Variants in ADCY2 observed in about 807,000 individuals in gnomAD.
ADCY2 encodes adenylate cyclase type 2.
ADCY2 carries 31 observed loss-of-function variants against 125.2 expected under a neutral mutation model. The ratio of observed to expected loss-of-function variants is 0.25; its 90% CI spans 0.19 to 0.33. ADCY2 has a LOEUF of 0.33. Among genes scored for constraint, ADCY2 ranks in the 10% least tolerant of loss-of-function variants. The pLI is 1.00. For missense variants in ADCY2, 904 were observed against 1,418.2 expected (o/e 0.64, Z 5.82); for synonymous variants, 512 against 548.4 (o/e 0.93, Z 0.93).
intron 2 of ADCY2, among the ~76,000 whole-genome samples, chr5:7,454,586 A>G (rs1486706694): frequency 6.6e-6 from 1 of 152,226 alleles, no homozygotes; most frequent in Non-Finnish European, 1.5e-5. Flanking sequence ...AGATTTTTAT[A>G]GAAGTATTTA....
chr5:7,651,186 CA>C (rs1391517412), intron 4 of ADCY2, among the ~76,000 whole-genome samples: 1 of 152,214 alleles, frequency 6.6e-6, no homozygotes, highest in African/African-American at 2.4e-5. Context: ...GGAAACAATA[CA>C]AAAAAGTGCA....
At chr5:7,491,296 G>A (rs1743156558) in intron 2 of ADCY2, among the ~76,000 whole-genome samples, 1 of 151,416 alleles carries the variant, frequency 6.6e-6, no homozygotes, top group South Asian at 2.1e-4. Flanking sequence ...CTGTTGCCCA[G>A]GCTGGAGTGC....
At chr5:7,447,914 G>C (rs1741331077) in intron 2 of ADCY2, among the ~76,000 whole-genome samples, 1 of 152,214 alleles carries the variant, frequency 6.6e-6, no homozygotes, top group African/African-American at 2.4e-5. Context: ...GGCTGCAGAA[G>C]CTTTTCCTGA....
intron 2 of ADCY2, among the ~76,000 whole-genome samples, chr5:7,453,724 T>G (rs904324301): frequency 6.6e-6 from 1 of 152,166 alleles, no homozygotes; most frequent in African/African-American, 2.4e-5. Flanking sequence ...GGGTCTTGTG[T>G]CCCTTCTCCC....
At chr5:7,804,107 A>AG (rs1173448237) in intron 21 of ADCY2, among the ~76,000 whole-genome samples, 1 of 136,522 alleles carries the variant, frequency 7.3e-6, no homozygotes, top group Non-Finnish European at 1.6e-5. Flanking sequence ...ATATTAGGCT[A>AG]GGGCTGATGA....
rs562044989 is a variant in ADCY2 at position 7,810,810 on chromosome 5, C to G, written c.2884-6056C>G. Among the ~76,000 whole-genome samples the G allele has an allele frequency of 6.6e-5, 10 of 152,296 alleles. No homozygotes were observed. The East Asian group carries it at 1.7e-3, about 27-fold the overall frequency. ...CACACCACTCCCTATTGCCTCATTC[C>G]TTCTGCTGCACTCCAGAGCCTCACC... On this transcript the variant is annotated intron_variant, in intron 22 of 24. Transcript: ENST00000338316.
chr5:7,744,553 A>G (rs974704868), intron 15 of ADCY2, among the ~76,000 whole-genome samples: 20 of 152,248 alleles, frequency 1.3e-4, no homozygotes, highest in African/African-American at 4.6e-4. Flanking sequence ...CCTAAAATTG[A>G]AAGTCTAAAG....
rs150404019 is a variant in ADCY2, at chr5:7,422,431, G to A, written c.408+7661G>A. ...CCTCCTCTGAGATGGTTTTTTTTCAGGCAGGTTGGATTGCCTGGAATGTCT... is the reference window on the plus strand; with the variant it reads ...CCTCCTCTGAGATGGTTTTTTTTCAAGCAGGTTGGATTGCCTGGAATGTCT... On this transcript the variant is annotated intron_variant, in intron 2 of 24. Coordinates refer to ENST00000338316, the MANE Select transcript of ADCY2 (RefSeq NM_020546.3). Among the ~76,000 whole-genome samples, 39 of 151,812 alleles carry A rather than the reference G, an allele frequency of 2.6e-4. No homozygotes were observed. In the East Asian group the frequency reaches 7.4e-3, roughly 29 times the overall value.
intron 4 of ADCY2, among the ~76,000 whole-genome samples, chr5:7,674,425 C>T (rs28469211): frequency 0.31 from 46,779 of 151,998 alleles, 7,867 homozygotes; most frequent in Non-Finnish European, 0.38. Context: ...TTTGGTTACG[C>T]GCCATTTCGA....
In ADCY2 at chr5:7,743,720, A is replaced by G. The variant is rs1013454317; in HGVS notation, c.1924A>G (p.Ile642Val). 7 of 1,614,000 alleles carry G rather than the reference A, an allele frequency of 4.3e-6. No homozygotes were observed. Among genetic ancestry groups the G allele is most frequent in the South Asian group, 1.1e-5 (1 of 91,086 alleles). The change falls in exon 15 of 25, where the codon ATC becomes GTC. Residue 642 changes from isoleucine (I) to valine (V), a missense_variant. Physicochemically the swap from Ile to Val is conservative, Grantham distance 29 (BLOSUM62 3). This residue lies in a region of ADCY2 where 221 missense variants were observed against 246.2 expected (regional missense o/e 0.90). Coordinates refer to ENST00000338316, the MANE Select transcript of ADCY2 (RefSeq NM_020546.3). Reference protein sequence around the residue: ...FGAAFLLLAFILFVCFAGQLL... With the variant: ...FGAAFLLLAFVLFVCFAGQLL... ...GGCTGCGTTTCTCTTGCTGGCCTTC[A>G]TCCTCTTCGTCTGCTTTGCTGGACA...
At chr5:7,596,349 T>C (rs905713103) in intron 3 of ADCY2, among the ~76,000 whole-genome samples, 1 of 152,018 alleles carries the variant, frequency 6.6e-6, no homozygotes, top group Admixed American at 6.6e-5. Flanking sequence ...CACGAATAAG[T>C]ATCTCCACCG....
intron 10 of ADCY2, among the ~76,000 whole-genome samples, chr5:7,712,615 C>T (rs1055177226): frequency 3.3e-5 from 5 of 152,196 alleles, no homozygotes; most frequent in African/African-American, 4.8e-5. Context: ...CTCCAGACAA[C>T]AATCCTCATG....
In ADCY2 at chr5:7,490,641, G is replaced by A. The variant is rs969115343; in HGVS notation, c.409-30097G>A. Among the ~76,000 whole-genome samples the A allele has an allele frequency of 7.3e-5, 11 of 151,528 alleles. 1 individual carries two copies. The highest frequency in any genetic ancestry group is 1.2e-4 in the African/African-American group (5 of 41,234). On this transcript the variant is annotated intron_variant, in intron 2 of 24. Coordinates refer to ENST00000338316, the MANE Select transcript of ADCY2 (RefSeq NM_020546.3). ...AAGGCTCTAGCCAGTAAACACACACGCACACACACACATGCATGCATGCAC... is the reference window on the plus strand; with the variant it reads ...AAGGCTCTAGCCAGTAAACACACACACACACACACACATGCATGCATGCAC...
chr5:7,607,221 G>T (rs1737408058), intron 3 of ADCY2, among the ~76,000 whole-genome samples: 1 of 152,132 alleles, frequency 6.6e-6, no homozygotes, highest in African/African-American at 2.4e-5. Context: ...ATTACACCAG[G>T]TCTCACATTT....
intron 3 of ADCY2, among the ~76,000 whole-genome samples, chr5:7,591,740 C>T (rs561840874): frequency 1.3e-5 from 2 of 152,278 alleles, no homozygotes; most frequent in Admixed American, 6.5e-5. Flanking sequence ...GGAAGGCAAT[C>T]CACGCATAGA....
In ADCY2 at chr5:7,520,602, C is replaced by T. The variant is rs192734166; in HGVS notation, c.409-136C>T. 1.0e-4 allele frequency: 93 copies of T among 911,186 alleles called. No homozygotes were observed. In the African/African-American group the frequency reaches 1.4e-3, roughly 14 times the overall value. 56.4% of individuals were successfully genotyped at this position (911,186 alleles called of 1,614,324 possible). A position where few individuals can be genotyped will look rare whatever the true frequency, so the allele number is the denominator to read the frequency against. On this transcript the variant is annotated intron_variant, in intron 2 of 24. Coordinates refer to ENST00000338316, the MANE Select transcript of ADCY2 (RefSeq NM_020546.3). ...AGTGGACTTATTTGCATCGACTGCC[C>T]TATTTTGTCTATAGATTATTTCTAA...
At chr5:7,514,261 T>A (rs1304586450) in intron 2 of ADCY2, among the ~76,000 whole-genome samples, 1 of 152,182 alleles carries the variant, frequency 6.6e-6, no homozygotes, top group Non-Finnish European at 1.5e-5. Flanking sequence ...ATAGACCTGA[T>A]GTGTGTAGAA....
chr5:7,787,100 C>A (rs187030874), intron 19 of ADCY2, among the ~76,000 whole-genome samples: 1 of 152,134 alleles, frequency 6.6e-6, no homozygotes, highest in African/African-American at 2.4e-5. Context: ...CCCTGAAAAC[C>A]TGTAGAGTAG....
intron 16 of ADCY2, 95 bp from the exon 17 acceptor site, chr5:7,766,592 G>A (rs1743386223): frequency 7.9e-7 from 1 of 1,272,804 alleles, no homozygotes; most frequent in Non-Finnish European, 1.1e-6. Context: ...TGTTTACTGT[G>A]CATAAGGAAC....
Sources: allele counts gnomAD v4.1 joint callset (sites outside exome capture counted in the v4.1 genomes callset), GRCh38; gene constraint gnomAD v4.1.1; regional missense constraint gnomAD v4.1.1; transcripts MANE v1.5; gene names NCBI Gene and HGNC (gene_info 2026-07-23, HGNC 2026-07-21).